DCTN2: variants seen among roughly 807,000 people sequenced by gnomAD.
DCTN2 encodes 50 kDa dynein-associated polypeptide.
In DCTN2, 18 loss-of-function variants were observed where a neutral mutation model predicts 55.4. That is an observed-to-expected ratio of 0.32 (90% CI 0.22 to 0.48). DCTN2 has a LOEUF of 0.48. DCTN2 is among the 20% of genes least tolerant of loss of function. DCTN2 has a pLI of 0.99. For missense variants in DCTN2, 390 were observed against 491.0 expected (o/e 0.79, Z 1.94); for synonymous variants, 168 against 185.2 (o/e 0.91, Z 0.76).
At chr12:57,531,734 T>C in intron 13 of DCTN2, among the ~76,000 whole-genome samples, 1 of 151,084 alleles carries the variant, frequency 6.6e-6, no homozygotes, top group East Asian at 2.0e-4. Context: ...TGGGGTTTTA[T>C]AAGAAAACAT....
intron 2 of DCTN2, chr12:57,543,170 A>G: frequency 2.7e-6 from 1 of 374,422 alleles, no homozygotes; most frequent in Non-Finnish European, 5.2e-6. Flanking sequence ...TAACACATGA[A>G]ACCCCGTCTC....
rs1441753436 is a variant in DCTN2 at position 57,530,610 on chromosome 12, AAAGGGGAAACCCTATGT to A, written c.*62_*78del. 1.6e-5 allele frequency: 20 copies of A among 1,276,316 alleles called. No homozygotes were observed. Among genetic ancestry groups the A allele is most frequent in the Non-Finnish European group, 1.5e-5 (13 of 895,782 alleles). The allele number at this position is 1,276,316 out of a possible 1,614,324, so 79.1% of individuals were successfully genotyped here. A position where few individuals can be genotyped will look rare whatever the true frequency, so the allele number is the denominator to read the frequency against. On this transcript the variant is annotated 3_prime_UTR_variant, in exon 14 of 14. Transcript: ENST00000548249. ...GGGATGGGGATGCTAGAGTTATAGT[AAAGGGGAAACCCTATGT>A]AAGCTGTTAACAGAGTTCACAGGGG...
intron 2 of DCTN2, chr12:57,538,570 A>C: frequency 1.3e-6 from 1 of 745,230 alleles, no homozygotes; most frequent in Non-Finnish European, 2.5e-6. Context: ...GTTAAAAGGA[A>C]AGGGAGTGGG....
At chr12:57,535,939 G>A (rs901356467) in intron 2 of DCTN2, 94 bp from the exon 3 acceptor site, 13 of 972,302 alleles carry the variant, frequency 1.3e-5, no homozygotes, top group Non-Finnish European at 1.9e-5. Context: ...AGGTGACTGG[G>A]CCCTACTTGT....
chr12:57,534,978 A>C, intron 5 of DCTN2, 78 bp downstream of exon 5: 1 of 1,272,628 alleles, frequency 7.9e-7, no homozygotes, highest in African/African-American at 1.5e-5. Context: ...CCAGGCAGGG[A>C]ATCTTTCTCT....
chr12:57,540,114 G>C, intron 2 of DCTN2: 2 of 985,344 alleles, frequency 2.0e-6, no homozygotes, highest in Non-Finnish European at 2.4e-6. Flanking sequence ...TGTGGTCGAG[G>C]CTGGGATGTC....
intron 2 of DCTN2, chr12:57,542,844 C>A (rs1265754482): frequency 8.8e-6 from 4 of 455,350 alleles, no homozygotes; most frequent in Admixed American, 7.1e-5. Flanking sequence ...ATCTGGAGAC[C>A]CCCTGAAAGG....
chr12:57,534,535 T>C (rs1374188372), intron 5 of DCTN2, 83 bp from the exon 6 acceptor site: 3 of 1,454,818 alleles, frequency 2.1e-6, no homozygotes, highest in Non-Finnish European at 2.8e-6. Flanking sequence ...TTAAAGGTAG[T>C]TGTAGCTGGA....
chr12:57,542,861 AAG>A, intron 2 of DCTN2: 1 of 455,888 alleles, frequency 2.2e-6, no homozygotes, highest in South Asian at 1.5e-5. Context: ...AAGGTTCCAC[AAG>A]AGTCTATCCA....
chr12:57,533,401 C>CCAGGGA, intron 7 of DCTN2, 98 bp from the exon 8 acceptor site: 1 of 1,065,560 alleles, frequency 9.4e-7, no homozygotes, highest in Non-Finnish European at 1.5e-6. Context: ...CTCACCACCC[C>CCAGGGA]AAGGGATTCC....
intron 2 of DCTN2, among the ~76,000 whole-genome samples, chr12:57,544,515 A>G (rs1276381243): frequency 1.3e-5 from 2 of 151,390 alleles, no homozygotes. Context: ...CCCAGGTTCA[A>G]GCAATTCTCC....
At position 57,534,664 on chromosome 12, in the gene DCTN2, ATCTT is replaced by A. The variant is rs750104988; in HGVS notation, c.364-216_364-213del. The stretch of plus-strand genomic sequence containing the variant: ...GCCCCTTTATCCAGGAGCTTAAGGA[ATCTT>A]TCTTTCTTTCATTTTTTGAGATGGA... On this transcript the variant is annotated intron_variant, in intron 5 of 13. Transcript: ENST00000548249. 4.0e-5 allele frequency: 20 copies of A among 505,770 alleles called. No individual in the cohort carries two copies. The East Asian group carries it at 5.4e-4, about 14-fold the overall frequency. 31.3% of individuals were successfully genotyped at this position (505,770 alleles called of 1,614,324 possible). A position where few individuals can be genotyped will look rare whatever the true frequency, so the allele number is the denominator to read the frequency against.
At chr12:57,540,293 G>A (rs564295216) in intron 2 of DCTN2, among the ~76,000 whole-genome samples, 14 of 152,294 alleles carry the variant, frequency 9.2e-5, no homozygotes, top group East Asian at 3.9e-4. Flanking sequence ...CAAACCATGC[G>A]GATTGGGCAG....
intron 2 of DCTN2, among the ~76,000 whole-genome samples, chr12:57,542,450 A>T (rs1429029883): frequency 6.6e-6 from 1 of 152,246 alleles, no homozygotes; most frequent in Non-Finnish European, 1.5e-5. Context: ...AATTTCTTCC[A>T]CAGTGGAGGA....
rs759527435 is a variant in DCTN2, at chr12:57,532,977, A to G, written c.774+7T>C. ...GATCCAAACACTCCAGTTTCTTCCA[A>G]ACTCACCATGAGACAGGCTCCCTGT... On this transcript the variant is annotated splice_region_variant and intron_variant, in intron 9 of 13. Coordinates refer to ENST00000548249, the MANE Select transcript of DCTN2 (RefSeq NM_001261413.2). 7.5e-6 allele frequency: 12 copies of G among 1,602,058 alleles called. No individual in the cohort carries two copies. The highest frequency in any genetic ancestry group is 4.5e-5 in the East Asian group (2 of 44,764).
At chr12:57,546,175 G>T in intron 1 of DCTN2, 79 bp from the exon 2 acceptor site, 1 of 1,374,264 alleles carries the variant, frequency 7.3e-7, no homozygotes, top group Non-Finnish European at 1.0e-6. Flanking sequence ...ATTTGAATAA[G>T]CTAACAGAGA....
intron 2 of DCTN2, chr12:57,543,679 T>C: frequency 2.4e-6 from 2 of 843,296 alleles, no homozygotes; most frequent in Non-Finnish European, 1.4e-6. Flanking sequence ...TTCGGGCCCC[T>C]GAAGTGGCTG....
At chr12:57,533,500 G>A (rs575596247) in intron 7 of DCTN2, among the ~76,000 whole-genome samples, 197 bp from the exon 8 acceptor site, 31 of 152,296 alleles carry the variant, frequency 2.0e-4, no homozygotes, top group Non-Finnish European at 3.4e-4. Context: ...GGTCGGGCGC[G>A]GTGGCTCACG....
chr12:57,538,824 T>C (rs1880460299), intron 2 of DCTN2, among the ~76,000 whole-genome samples: 1 of 152,110 alleles, frequency 6.6e-6, no homozygotes, highest in African/African-American at 2.4e-5. Context: ...CAGTTTAGGA[T>C]CATCTGAAAA....
Sources: allele counts gnomAD v4.1 joint callset (sites outside exome capture counted in the v4.1 genomes callset), GRCh38; gene constraint gnomAD v4.1.1; transcripts MANE v1.5; gene names NCBI Gene and HGNC (gene_info 2026-07-23, HGNC 2026-07-21).